Variants in CADPS observed in about 807,000 individuals in gnomAD.
CADPS encodes calcium dependent secretion activator.
A neutral mutation model predicts 167.3 loss-of-function variants in CADPS; 57 were observed. The ratio of observed to expected loss-of-function variants is 0.34; its 90% CI spans 0.28 to 0.42. The LOEUF (loss-of-function observed/expected upper bound fraction) is 0.42, where lower values mean the gene tolerates loss of function less well. Ranked by LOEUF, CADPS falls within the 20% of genes least tolerant of loss-of-function variation. The probability of loss-of-function intolerance (pLI) is 1.00; values close to 1 mark genes in which losing one functional copy is unlikely to be tolerated. For missense variants in CADPS, 1,414 were observed against 1,738.1 expected (o/e 0.81, Z 3.32); for synonymous variants, 676 against 635.3 (o/e 1.06, Z -0.96).
chr3:62,501,819 T>C (rs1313527681), intron 17 of CADPS, among the ~76,000 whole-genome samples: 1 of 152,254 alleles, frequency 6.6e-6, no homozygotes, highest in South Asian at 2.1e-4. Context: ...TTTGTTTTAA[T>C]AGGCAGTACT....
intron 3 of CADPS, among the ~76,000 whole-genome samples, chr3:62,730,947 C>G (rs902677499): frequency 2.0e-5 from 3 of 152,220 alleles, no homozygotes; most frequent in Non-Finnish European, 4.4e-5. Flanking sequence ...AGACCTCTTT[C>G]AAAGACATTG....
At chr3:62,575,788 G>T (rs1260741579) in intron 8 of CADPS, among the ~76,000 whole-genome samples, 2 of 152,120 alleles carry the variant, frequency 1.3e-5, no homozygotes, top group African/African-American at 2.4e-5. Flanking sequence ...TGAACAGAGG[G>T]GATTTCTGGT....
intron 6 of CADPS, among the ~76,000 whole-genome samples, chr3:62,641,359 A>T (rs888644173): frequency 6.6e-6 from 1 of 152,228 alleles, no homozygotes; most frequent in African/African-American, 2.4e-5. Context: ...TCTTTTTCAC[A>T]TAATTTCATC....
chr3:62,548,946 C>T (rs2076911186), intron 11 of CADPS, among the ~76,000 whole-genome samples: 1 of 152,184 alleles, frequency 6.6e-6, no homozygotes. Context: ...CTAGGCTTCC[C>T]CACTGGGATG....
chr3:62,842,545 G>A (rs1281046278), intron 1 of CADPS, among the ~76,000 whole-genome samples: 1 of 152,132 alleles, frequency 6.6e-6, no homozygotes, highest in Non-Finnish European at 1.5e-5. Flanking sequence ...TAACAATAAC[G>A]ATAATCAAAG....
At chr3:62,620,825 C>G (rs561394890) in intron 6 of CADPS, among the ~76,000 whole-genome samples, 1 of 152,284 alleles carries the variant, frequency 6.6e-6, no homozygotes, top group South Asian at 2.1e-4. Context: ...GTACCTGTGA[C>G]TGAGGGCCTG....
chr3:62,539,365 C>T (rs2075307502), intron 11 of CADPS, among the ~76,000 whole-genome samples: 1 of 152,054 alleles, frequency 6.6e-6, no homozygotes, highest in Admixed American at 6.6e-5. Flanking sequence ...GTAAAGCGAG[C>T]CACCTCTGGA....
chr3:62,718,648 A>G (rs1378605015), intron 3 of CADPS, among the ~76,000 whole-genome samples: 2 of 152,210 alleles, frequency 1.3e-5, no homozygotes, highest in Non-Finnish European at 2.9e-5. Context: ...GTTTGGCAGC[A>G]GATCTATAAA....
At chr3:62,483,386 G>A (rs1274894176) in intron 21 of CADPS, among the ~76,000 whole-genome samples, 1 of 150,108 alleles carries the variant, frequency 6.7e-6, no homozygotes, top group Non-Finnish European at 1.5e-5. Context: ...GGGTGGAGGT[G>A]GGTACATGCC....
chr3:62,673,200 T>A (rs1478427643), intron 3 of CADPS, among the ~76,000 whole-genome samples: 1 of 152,220 alleles, frequency 6.6e-6, no homozygotes, highest in Non-Finnish European at 1.5e-5. Context: ...TTTGCAGAGT[T>A]AAATTTGAGA....
At chr3:62,538,858 A>C (rs371569249) in intron 11 of CADPS, among the ~76,000 whole-genome samples, 1 of 152,154 alleles carries the variant, frequency 6.6e-6, no homozygotes, top group East Asian at 1.9e-4. Flanking sequence ...GGATCTGAAA[A>C]GGCGACTTGG....
At chr3:62,554,230 A>G (rs1222392388) in intron 10 of CADPS, among the ~76,000 whole-genome samples, 1 of 152,202 alleles carries the variant, frequency 6.6e-6, no homozygotes, top group Admixed American at 6.5e-5. Flanking sequence ...AAAGTGATGC[A>G]TTTTTATTTT....
intron 4 of CADPS, among the ~76,000 whole-genome samples, chr3:62,655,608 G>C (rs776748498): frequency 6.6e-6 from 1 of 152,162 alleles, no homozygotes; most frequent in Admixed American, 6.5e-5. Context: ...TTCTGGTTTT[G>C]GATTTTTACC....
chr3:62,492,594 G>T (rs2063934448), intron 19 of CADPS, 148 bp from the exon 20 acceptor site: 1 of 800,662 alleles, frequency 1.2e-6, no homozygotes, highest in African/African-American at 1.7e-5. Flanking sequence ...CAGAATTTTT[G>T]ATACAATTGG....
chr3:62,635,280 G>C (rs2149794846), intron 6 of CADPS, among the ~76,000 whole-genome samples: 1 of 152,282 alleles, frequency 6.6e-6, no homozygotes, highest in East Asian at 1.9e-4. Flanking sequence ...TGGCAGGGCA[G>C]AACTGGGACA....
chr3:62,740,288 A>G lies in CADPS; in HGVS notation c.888+13153T>C, dbSNP rs553831239. Reference sequence around the variant, plus strand: ...GCAATGGCAGCAAAACCATGTGCACAAGCACATCTCAAGACCTCTGCTCAT... The same window carrying G: ...GCAATGGCAGCAAAACCATGTGCACGAGCACATCTCAAGACCTCTGCTCAT... On this transcript the variant is annotated intron_variant, in intron 3 of 29. Coordinates refer to ENST00000383710, the MANE Select transcript of CADPS (RefSeq NM_003716.4). Among the ~76,000 whole-genome samples, 17 of 152,340 alleles carry G rather than the reference A, an allele frequency of 1.1e-4. No individual in the cohort carries two copies. The South Asian group carries it at 3.3e-3, about 30-fold the overall frequency.
At chr3:62,686,944 C>T (rs138893538) in intron 3 of CADPS, among the ~76,000 whole-genome samples, 205 of 152,184 alleles carry the variant, frequency 1.3e-3, no homozygotes, top group African/African-American at 4.8e-3. Context: ...CATAGTAATG[C>T]TCAAAAGGTG....
intron 26 of CADPS, among the ~76,000 whole-genome samples, chr3:62,462,031 T>C (rs1254323252): frequency 6.6e-6 from 1 of 152,236 alleles, no homozygotes; most frequent in Non-Finnish European, 1.5e-5. Context: ...ATTGTCACTT[T>C]CTGTGGGAGG....
Position 62,464,800 on chromosome 3 carries a change from T to C in CADPS, c.3636+567A>G, listed in dbSNP as rs75725076. ...GGGGTTACAGCAAACTGCAAACACA[T>C]GTCCAGTCTAAGACCCCCAAGACAC... On this transcript the variant is annotated intron_variant, in intron 26 of 29. Transcript: ENST00000383710. Among the ~76,000 whole-genome samples the C allele has an allele frequency of 4.4e-3, 671 of 152,146 alleles. 8 individuals are homozygous for C. The highest frequency in any genetic ancestry group is 0.016 in the African/African-American group (658 of 41,508).
Sources: gnomAD v4.1 joint callset for allele counts (sites outside exome capture counted in the v4.1 genomes callset) on GRCh38, gnomAD v4.1.1 for gene constraint, MANE v1.5 for transcripts, NCBI Gene and HGNC (gene_info 2026-07-23, HGNC 2026-07-21) for gene names.